The following GGNBP2 variants were observed in gnomAD, a reference collection of about 807,000 sequenced individuals.
The protein encoded by GGNBP2 is gametogenetin-binding protein 2.
GGNBP2 carries 10 observed loss-of-function variants against 85.9 expected under a neutral mutation model. The ratio of observed to expected loss-of-function variants is 0.12; its 90% CI spans 0.07 to 0.20. GGNBP2 has a LOEUF of 0.20. Ranked by LOEUF, GGNBP2 falls within the 10% of genes least tolerant of loss-of-function variation. GGNBP2 has a pLI of 1.00. For missense variants in GGNBP2, 595 were observed against 857.8 expected (o/e 0.69, Z 3.83); for synonymous variants, 287 against 285.7 (o/e 1.00, Z -0.05).
rs899235218 is a variant in GGNBP2, at chr17:36,575,163, A to G, written c.642-2820A>G. 4 of 663,540 alleles carry G rather than the reference A, an allele frequency of 6.0e-6. No homozygotes were observed. The African/African-American group carries it at 7.1e-5, about 12-fold the overall frequency. The allele number at this position is 663,540 out of a possible 1,614,324, so 41.1% of individuals were successfully genotyped here. On this transcript the variant is annotated intron_variant, in intron 6 of 13. Coordinates refer to ENST00000613102, the MANE Select transcript of GGNBP2 (RefSeq NM_024835.5). ...CGGCCCAGCTTGGTGATAGGCATCC[A>G]CTCTTTATCCTCGGCCTTGCCTCCA...
chr17:36,557,351 T>C lies in GGNBP2; in HGVS notation c.428+15T>C, dbSNP rs1224695287. ...TATGTACATGGGTAAGTATAATCAATTAGGAGAAAATGGGTTTGTTAAAAT... is the reference window on the plus strand; with the variant it reads ...TATGTACATGGGTAAGTATAATCAACTAGGAGAAAATGGGTTTGTTAAAAT... On this transcript the variant is annotated intron_variant, in intron 4 of 13. Coordinates refer to ENST00000613102, the MANE Select transcript of GGNBP2 (RefSeq NM_024835.5). The C allele has an allele frequency of 1.9e-6, 3 of 1,599,944 alleles. No individual in the cohort carries two copies. The highest frequency in any genetic ancestry group is 1.7e-6 in the Non-Finnish European group (2 of 1,169,994).
chr17:36,545,686 G>A lies in GGNBP2; in HGVS notation c.-39G>A, dbSNP rs748675997. On this transcript the variant is annotated 5_prime_UTR_variant, in exon 2 of 14. Coordinates refer to ENST00000613102, the MANE Select transcript of GGNBP2 (RefSeq NM_024835.5). ...CAGCGGCGGCGGCGGCGGCAGCTGG[G>A]AGGAGGTGGTGACGGTGGCAACGGC... is the stretch of plus-strand genomic sequence containing the variant. The A allele has an allele frequency of 6.8e-7, 1 of 1,479,640 alleles. No individual in the cohort carries two copies. Among genetic ancestry groups the A allele is most frequent in the Non-Finnish European group, 9.2e-7 (1 of 1,082,246 alleles). The allele number at this position is 1,479,640 out of a possible 1,614,324, so 91.7% of individuals were successfully genotyped here.
At chr17:36,553,714 A>G (rs1173856328) in intron 2 of GGNBP2, among the ~76,000 whole-genome samples, 4 of 152,220 alleles carry the variant, frequency 2.6e-5, no homozygotes, top group African/African-American at 9.7e-5. Context: ...TAGTTAAGAT[A>G]TACATGTGTT....
chr17:36,549,203 T>TACC (rs2074285091), intron 2 of GGNBP2, among the ~76,000 whole-genome samples: 1 of 150,612 alleles, frequency 6.6e-6, no homozygotes, highest in Admixed American at 6.6e-5. Flanking sequence ...TCTGAAGAAT[T>TACC]AAAGTTTTTT....
chr17:36,545,251 G>A (rs898438658), intron 1 of GGNBP2, among the ~76,000 whole-genome samples, 154 bp downstream of exon 1: 3 of 152,162 alleles, frequency 2.0e-5, no homozygotes, highest in African/African-American at 7.2e-5. Context: ...GTCAGTTGGG[G>A]GCAGAGGGCA....
Position 36,558,340 on chromosome 17 carries a change from G to A in GGNBP2, c.428+1004G>A, listed in dbSNP as rs550353186. On this transcript the variant is annotated intron_variant, in intron 4 of 13. Coordinates refer to ENST00000613102, the MANE Select transcript of GGNBP2 (RefSeq NM_024835.5). ...TGAGGCAGGAGAATCTCTTGAACCCGGGAGGCGGCAGTTGCAGTGAGCTGA... is the reference window on the plus strand; with the variant it reads ...TGAGGCAGGAGAATCTCTTGAACCCAGGAGGCGGCAGTTGCAGTGAGCTGA... Among the ~76,000 whole-genome samples, 588 of 145,046 alleles carry A rather than the reference G, an allele frequency of 4.1e-3. 5 individuals carry two copies. The highest frequency in any genetic ancestry group is 0.014 in the African/African-American group (558 of 38,986).
chr17:36,548,460 C>G (rs941744111), intron 2 of GGNBP2, among the ~76,000 whole-genome samples: 5 of 150,064 alleles, frequency 3.3e-5, no homozygotes, highest in African/African-American at 1.2e-4. Context: ...ACTAAAAATA[C>G]AAAAATTAGC....
At chr17:36,587,673 G>A in intron 13 of GGNBP2, 1 of 179,624 alleles carries the variant, frequency 5.6e-6, no homozygotes, top group Non-Finnish European at 1.2e-5. Context: ...TGGATCATGA[G>A]GTCAAGAGAT....
chr17:36,574,051 C>T (rs1226072462), intron 6 of GGNBP2, among the ~76,000 whole-genome samples: 4 of 151,770 alleles, frequency 2.6e-5, no homozygotes, highest in Non-Finnish European at 5.9e-5. Flanking sequence ...AATATTTTTT[C>T]CCATTCTTTG....
chr17:36,584,235 A>G (rs2074678400), intron 9 of GGNBP2, among the ~76,000 whole-genome samples: 1 of 152,202 alleles, frequency 6.6e-6, no homozygotes, highest in Non-Finnish European at 1.5e-5. Context: ...AGTGAACTTG[A>G]TGTTCCAGGA....
chr17:36,574,524 G>T (rs1555607372), intron 6 of GGNBP2: 3 of 376,928 alleles, frequency 8.0e-6, no homozygotes, highest in East Asian at 1.2e-4. Context: ...GTCTTGACGA[G>T]ATGGTCAGTG....
intron 2 of GGNBP2, among the ~76,000 whole-genome samples, chr17:36,551,279 T>G (rs949575584): frequency 6.6e-6 from 1 of 151,912 alleles, no homozygotes; most frequent in African/African-American, 2.4e-5. Flanking sequence ...CGATCTTGGC[T>G]CACCACAACC....
At chr17:36,574,544 CA>C (rs2074557695) in intron 6 of GGNBP2, 2 of 422,122 alleles carry the variant, frequency 4.7e-6, no homozygotes, top group Non-Finnish European at 8.3e-6. Flanking sequence ...GAATTCCTGA[CA>C]GGAAGACTTG....
At chr17:36,588,880 G>A (rs1395980738) in intron 13 of GGNBP2, among the ~76,000 whole-genome samples, 1 of 152,164 alleles carries the variant, frequency 6.6e-6, no homozygotes, top group Non-Finnish European at 1.5e-5. Context: ...CTGGAGATAC[G>A]TCTGGCTACT....
Position 36,575,613 on chromosome 17 carries a change from CATATATATATATATAT to C in GGNBP2, c.642-2349_642-2334del, listed in dbSNP as rs776677029. On this transcript the variant is annotated intron_variant, in intron 6 of 13. Transcript: ENST00000613102. ...AGTGGGCTTAGAGCCTCTAATGTAA[CATATATATATATATAT>C]ATATATATATATATATATATTTTTT... is the stretch of plus-strand genomic sequence containing the variant. 6.3e-4 allele frequency among the ~76,000 whole-genome samples: 42 copies of C among 66,940 alleles called. 4 individuals are homozygous for C. Among genetic ancestry groups the C allele is most frequent in the African/African-American group, 3.3e-3 (38 of 11,396 alleles). The allele number at this position is 66,940 out of a possible 152,430, so 43.9% of individuals were successfully genotyped here.
In GGNBP2 at chr17:36,586,780, G is replaced by A. The variant is rs149688923; in HGVS notation, c.1642-217G>A. The A allele has an allele frequency of 1.1e-3, 490 of 465,044 alleles. 3 individuals carry two copies. In the East Asian group the frequency reaches 0.016, roughly 15 times the overall value. The allele number at this position is 465,044 out of a possible 1,614,324, so 28.8% of individuals were successfully genotyped here. A position where few individuals can be genotyped will look rare whatever the true frequency, so the allele number is the denominator to read the frequency against. On this transcript the variant is annotated intron_variant, in intron 12 of 13. Transcript: ENST00000613102. ...ATTACAGGCGCATGCCACCATGGCT[G>A]GCTAATTTTTGCATTTTTAGTAGAG...
chr17:36,581,377 T>C lies in GGNBP2; in HGVS notation c.1054T>C (p.Leu352=). The part of the protein sequence containing the change: ...TVEKVQGISR[L]EQLCEEFSEE... ...GGAAAAAGTACAGGGTATTAGCAGATTGGAACAACTTTGTGAGGAATTTTC... is the reference window on the plus strand; with the variant it reads ...GGAAAAAGTACAGGGTATTAGCAGACTGGAACAACTTTGTGAGGAATTTTC... The change falls in exon 9 of 14, where the codon TTG becomes CTG. Residue 352 remains leucine (L), a synonymous_variant. Coordinates refer to ENST00000613102, the MANE Select transcript of GGNBP2 (RefSeq NM_024835.5). The C allele has an allele frequency of 6.2e-7, 1 of 1,613,150 alleles. No homozygotes were observed. The highest frequency in any genetic ancestry group is 8.5e-7 in the Non-Finnish European group (1 of 1,179,542).
At chr17:36,561,137 T>G (rs1437281391) in intron 5 of GGNBP2, among the ~76,000 whole-genome samples, 1 of 152,176 alleles carries the variant, frequency 6.6e-6, no homozygotes, top group African/African-American at 2.4e-5. Context: ...TTTTTTTCTT[T>G]TTTTGAGACG....
intron 6 of GGNBP2, chr17:36,576,858 C>G (rs1013626803): frequency 6.6e-6 from 1 of 151,814 alleles, no homozygotes; most frequent in African/African-American, 2.4e-5. Context: ...TGGCAGTGTT[C>G]TTATTAACAG....
Sources: gnomAD v4.1 joint callset for allele counts (sites outside exome capture counted in the v4.1 genomes callset) on GRCh38, gnomAD v4.1.1 for gene constraint, MANE v1.5 for transcripts, NCBI Gene and HGNC (gene_info 2026-07-23, HGNC 2026-07-21) for gene names.